QRICH2: variants seen among roughly 807,000 people sequenced by gnomAD.
QRICH2 encodes glutamine-rich protein 2.
In QRICH2, 119 loss-of-function variants were observed where a neutral mutation model predicts 168.3. The ratio of observed to expected loss-of-function variants is 0.71; its 90% CI spans 0.61 to 0.82. The LOEUF is 0.82. QRICH2 is among the 40% of genes least tolerant of loss of function. QRICH2 has a pLI of 0.00. For missense variants in QRICH2, 2,241 were observed against 2,491.6 expected (o/e 0.90, Z 2.14); for synonymous variants, 894 against 951.2 (o/e 0.94, Z 1.11).
chr17:76,279,245 G>A (rs1372378857), intron 13 of QRICH2, 103 bp from the exon 14 acceptor site: 1 of 1,331,246 alleles, frequency 7.5e-7, no homozygotes, highest in African/African-American at 1.4e-5. Context: ...CGGCCTGGAA[G>A]GGAGCGAGGG....
At position 76,292,091 on chromosome 17, in the gene QRICH2, C is replaced by T. The variant is rs1376874543; in HGVS notation, c.2636G>A (p.Arg879His). 8.7e-6 allele frequency: 14 copies of T among 1,612,808 alleles called. No individual in the cohort carries two copies. The highest frequency in any genetic ancestry group is 1.7e-5 in the Admixed American group (1 of 59,926). Residue 879 changes from arginine (R) to histidine (H), a missense_variant, in exon 4 of 19, where the codon CGT (arginine) becomes CAT (histidine). Physicochemically the swap from Arg to His is conservative, Grantham distance 29. Transcript: ENST00000680821. Reference protein sequence around the residue: ...RGLVQPGVDQRGLVQPGMDQR... With the variant: ...RGLVQPGVDQHGLVQPGMDQR... ...GTCCATTCCAGGTTGGACCAAACCACGCTGATCCACTCCAGGTTGCACCAA... is the reference window on the plus strand; with the variant it reads ...GTCCATTCCAGGTTGGACCAAACCATGCTGATCCACTCCAGGTTGCACCAA...
chr17:76,286,139 C>T (rs994649484), intron 7 of QRICH2, among the ~76,000 whole-genome samples: 7 of 151,416 alleles, frequency 4.6e-5, no homozygotes, highest in Admixed American at 1.3e-4. Context: ...CGTGCCACTG[C>T]ACTCCAGCCT....
chr17:76,293,194 G>T lies in QRICH2; in HGVS notation c.1533C>A (p.Asp511Glu). Residue 511 changes from aspartate (D) to glutamate (E), a missense_variant, in exon 4 of 19, where the codon GAC becomes GAA. Asp to Glu is a conservative substitution (Grantham distance 45). Transcript: ENST00000680821. Reference sequence around the variant, plus strand: ...CGACAGGCAATGTCAATCCTTGCTGGTCTATACCAGGGGGTACTAGTCCTT... The same window carrying T: ...CGACAGGCAATGTCAATCCTTGCTGTTCTATACCAGGGGGTACTAGTCCTT... ...GQQGLVPPGI[D>E]QQGLTLPVVD... The T allele has an allele frequency of 6.2e-7, 1 of 1,614,154 alleles. No individual in the cohort carries two copies.
At chr17:76,277,421 G>T in intron 15 of QRICH2, 111 bp from the exon 16 acceptor site, 1 of 1,325,832 alleles carries the variant, frequency 7.5e-7, no homozygotes, top group Non-Finnish European at 1.0e-6. Flanking sequence ...TCTCTTCGGG[G>T]GCTGCCGGGA....
chr17:76,277,422 G>T (rs1286631644), intron 15 of QRICH2, 112 bp from the exon 16 acceptor site: 2 of 1,300,244 alleles, frequency 1.5e-6, no homozygotes, highest in East Asian at 4.9e-5. Flanking sequence ...CTCTTCGGGG[G>T]CTGCCGGGAG....
Position 76,291,630 on chromosome 17 carries a change from A to T in QRICH2, c.3097T>A (p.Ser1033Thr), listed in dbSNP as rs2070993972. 1 of 1,614,184 alleles carries T rather than the reference A, an allele frequency of 6.2e-7. No individual in the cohort carries two copies. Among genetic ancestry groups the T allele is most frequent in the Non-Finnish European group, 8.5e-7 (1 of 1,180,020 alleles). Residue 1033 changes from serine to threonine, a missense_variant, in exon 4 of 19, where the codon TCA becomes ACA. Physicochemically the swap from Ser to Thr is moderately conservative, Grantham distance 58. Around this residue, in one of 3 missense-constraint regions of QRICH2, gnomAD observed 2,047 missense variants for 2,303.8 expected, o/e 0.89. Transcript: ENST00000680821. The stretch of plus-strand genomic sequence containing the variant: ...AAACTCCTTCGATCTATACCAGGTG[A>T]TGCCAAACCTTGACTGGCTAGGAGT... ...SPLLASQGLA[S>T]PGIDRRSLVP...
Position 76,280,660 on chromosome 17 carries a change from G to C in QRICH2, c.4455C>G (p.Ile1485Met). 1 of 1,614,096 alleles carries C rather than the reference G, an allele frequency of 6.2e-7. No individual in the cohort carries two copies. Among genetic ancestry groups the C allele is most frequent in the Non-Finnish European group, 8.5e-7 (1 of 1,180,008 alleles). ...CCTGGGGCCTGGCACCCACCACATC[G>C]ATCTCCATCTCCAGGTGCTCCCTGT... ...KANREHLEME[I>M]DVKADKSALA... The change falls in exon 10 of 19, where the codon ATC becomes ATG. Residue 1485 changes from isoleucine to methionine, a missense_variant. Physicochemically the swap from Ile to Met is conservative, Grantham distance 10 (BLOSUM62 1). Transcript: ENST00000680821. The surrounding 1 kb of genome is among the most constrained non-coding windows in gnomAD (Gnocchi z 7.4).
At chr17:76,310,004 G>A (rs1470214604), upstream of QRICH2, 1 of 110,432 alleles carries the variant, frequency 9.1e-6, no homozygotes, top group Non-Finnish European at 1.7e-5. Context: ...TTTTTTTTTT[G>A]AGATGGAATC....
chr17:76,292,047 G>T lies in QRICH2; in HGVS notation c.2680C>A (p.Pro894Thr). The T allele has an allele frequency of 6.2e-7, 1 of 1,614,190 alleles. No individual in the cohort carries two copies. The highest frequency in any genetic ancestry group is 1.1e-5 in the South Asian group (1 of 91,082). ...PGMDQRGLIQ[P>T]GADQPGLVQP... ...ACCAAACCAGGCTGATCTGCACCAGGTTGGATCAAACCACGCTGGTCCATT... is the reference window on the plus strand; with the variant it reads ...ACCAAACCAGGCTGATCTGCACCAGTTTGGATCAAACCACGCTGGTCCATT... Residue 894 changes from proline (P) to threonine (T), a missense_variant, in exon 4 of 19, where the codon CCT (proline) becomes ACT (threonine). Around this residue, in one of 3 missense-constraint regions of QRICH2, gnomAD observed 2,047 missense variants for 2,303.8 expected, o/e 0.89. Coordinates refer to ENST00000680821, the MANE Select transcript of QRICH2 (RefSeq NM_001388453.1).
chr17:76,287,785 G>A lies in QRICH2; in HGVS notation c.3896+15C>T, dbSNP rs764846161. 29 of 1,600,100 alleles carry A rather than the reference G, an allele frequency of 1.8e-5. No homozygotes were observed. Among genetic ancestry groups the A allele is most frequent in the African/African-American group, 1.3e-5 (1 of 74,612 alleles). On this transcript the variant is annotated intron_variant, in intron 6 of 18. Transcript: ENST00000680821. ...GATGCCAGGGGACCAGCTGCTCTTA[G>A]CTGGGGCATTTTACCTGAGGACACC...
At chr17:76,283,237 A>G (rs1204804659) in intron 7 of QRICH2, among the ~76,000 whole-genome samples, 1 of 152,212 alleles carries the variant, frequency 6.6e-6, no homozygotes, top group African/African-American at 2.4e-5. Context: ...CTCCTAGAAA[A>G]ATGGGCATTT....
chr17:76,283,980 A>G (rs1452717122), intron 7 of QRICH2, among the ~76,000 whole-genome samples: 3 of 141,600 alleles, frequency 2.1e-5, no homozygotes, highest in Non-Finnish European at 4.4e-5. Flanking sequence ...GGCCTGACCA[A>G]TGTGGTGAAA....
At chr17:76,276,319 C>T (rs954082444) in intron 17 of QRICH2, among the ~76,000 whole-genome samples, 3 of 152,140 alleles carry the variant, frequency 2.0e-5, no homozygotes, top group South Asian at 2.1e-4. Context: ...GGCGGGCATT[C>T]GGGGGCTGAA....
chr17:76,294,974 G>C (rs900641847), intron 3 of QRICH2, among the ~76,000 whole-genome samples: 1 of 150,922 alleles, frequency 6.6e-6, no homozygotes, highest in African/African-American at 2.4e-5. Context: ...GCTCATGCCT[G>C]TAATCCCAGC....
chr17:76,295,895 A>G (rs2070785792), intron 3 of QRICH2, among the ~76,000 whole-genome samples: 1 of 152,142 alleles, frequency 6.6e-6, no homozygotes. Context: ...TGAAGTTAAC[A>G]GGGGCTGGAT....
chr17:76,307,783 G>A lies in QRICH2; in HGVS notation c.216C>T (p.His72=), dbSNP rs2143422631. The part of the protein sequence containing the change: ...QSVRSSFSIP[H]LPAPKEVPKG... ...TGGGCACCTCCTTGGGCGCGGGCAG[G>A]TGCGGGATGCTGAACGAGCTCCGGA... is the stretch of plus-strand genomic sequence containing the variant. The change falls in exon 1 of 19, where the codon CAC becomes CAT. Residue 72 remains histidine, a synonymous_variant. Coordinates refer to ENST00000680821, the MANE Select transcript of QRICH2 (RefSeq NM_001388453.1). This position sits in a 1 kb window ranked among gnomAD's most constrained non-coding sequence, Gnocchi z 5.3. 7 of 1,376,934 alleles carry A rather than the reference G, an allele frequency of 5.1e-6. No individual in the cohort carries two copies. The highest frequency in any genetic ancestry group is 6.5e-6 in the Non-Finnish European group (7 of 1,069,504). 85.3% of individuals were successfully genotyped at this position (1,376,934 alleles called of 1,614,324 possible).
At position 76,291,979 on chromosome 17, in the gene QRICH2, T is replaced by C; in HGVS notation, c.2748A>G (p.Ile916Met). 3 of 1,614,050 alleles carry C rather than the reference T, an allele frequency of 1.9e-6. No homozygotes were observed. Among genetic ancestry groups the C allele is most frequent in the Non-Finnish European group, 1.7e-6 (2 of 1,180,030 alleles). Residue 916 changes from isoleucine to methionine, a missense_variant, in exon 4 of 19, where the codon ATA becomes ATG. By Grantham distance (10) the Ile-to-Met change is conservative. Around this residue, in one of 3 missense-constraint regions of QRICH2, gnomAD observed 2,047 missense variants for 2,303.8 expected, o/e 0.89. Transcript: ENST00000680821. ...AGQLGMVQPG[I>M]GQQGMVQPQA... ...GAGGTTGCACCATACCTTGCTGACCTATTCCAGGCTGCACCATACCCAGCT... is the reference window on the plus strand; with the variant it reads ...GAGGTTGCACCATACCTTGCTGACCCATTCCAGGCTGCACCATACCCAGCT...
rs546523324 is a variant in QRICH2 at position 76,277,269 on chromosome 17, C to T, written c.5159G>A (p.Arg1720Gln). The T allele has an allele frequency of 2.3e-5, 37 of 1,602,190 alleles. No individual in the cohort carries two copies. The highest frequency in any genetic ancestry group is 3.3e-4 in the Middle Eastern group (2 of 6,008). ...MADYTYSTVP[R>Q]RCGGSHTLTY... ...GAGGGTGTGGCTGCCCCCGCAGCGC[C>T]GGGGCACAGTTGAGTAGGTGTAATC... is the stretch of plus-strand genomic sequence containing the variant. Residue 1720 changes from arginine to glutamine, a missense_variant, in exon 16 of 19, where the codon CGG (arginine) becomes CAG (glutamine). This residue lies in a region of QRICH2 where 2,047 missense variants were observed against 2,303.8 expected (regional missense o/e 0.89). Transcript: ENST00000680821.
At chr17:76,288,374 A>G (rs1176433686) in intron 5 of QRICH2, among the ~76,000 whole-genome samples, 1 of 140,526 alleles carries the variant, frequency 7.1e-6, no homozygotes, top group Non-Finnish European at 1.5e-5. Flanking sequence ...ACAGAGCAAG[A>G]ATCAGTCTTA....
Sources: allele counts gnomAD v4.1 joint callset (sites outside exome capture counted in the v4.1 genomes callset), GRCh38; gene constraint gnomAD v4.1.1; regional missense constraint gnomAD v4.1.1; non-coding constraint Gnocchi (gnomAD v3.1); transcripts MANE v1.5; gene names NCBI Gene and HGNC (gene_info 2026-07-23, HGNC 2026-07-21).